The following DPYSL2 variants were observed in gnomAD, a reference collection of about 807,000 sequenced individuals.
DPYSL2 encodes dihydropyrimidinase-related protein 2.
Under a neutral mutation model 69.9 loss-of-function variants are expected in DPYSL2, and 13 were observed. That is an observed-to-expected ratio of 0.19 (90% CI 0.12 to 0.30). DPYSL2 has a LOEUF of 0.30. Ranked by LOEUF, DPYSL2 falls within the 10% of genes least tolerant of loss-of-function variation. DPYSL2 has a pLI of 1.00. For missense variants in DPYSL2, 587 were observed against 918.9 expected (o/e 0.64, Z 4.67); for synonymous variants, 326 against 359.1 (o/e 0.91, Z 1.04).
rs11786691 is a variant in DPYSL2 at position 26,583,961 on chromosome 8, G to A, written c.606G>A (p.Leu202=). The change falls in exon 3 of 14, where the codon CTG becomes CTA. Residue 202 remains leucine, a synonymous_variant. Transcript: ENST00000521913. ...TCTTCCAAGGAACCAAGGCGGCCCT[G>A]GCTGGGGGAACCACTATGATCAGTA... is the stretch of plus-strand genomic sequence containing the variant. ...DDFFQGTKAA[L]AGGTTMIIDH... 0.11 allele frequency: 181,912 copies of A among 1,613,852 alleles called. 10,940 individuals carry two copies. The highest frequency in any genetic ancestry group is 0.14 in the Middle Eastern group (878 of 6,058).
intron 1 of DPYSL2, among the ~76,000 whole-genome samples, chr8:26,545,744 G>C (rs1312006131): frequency 1.3e-5 from 2 of 151,442 alleles, no homozygotes; most frequent in Non-Finnish European, 2.9e-5. Flanking sequence ...TCCAGCCTGA[G>C]CAACAGAGTG....
chr8:26,515,506 TA>T (rs1242544317), intron 1 of DPYSL2, among the ~76,000 whole-genome samples: 1 of 152,196 alleles, frequency 6.6e-6, no homozygotes, highest in East Asian at 1.9e-4. Context: ...CGAAGAAGAC[TA>T]AACCCCCTTT....
chr8:26,531,825 G>A lies in DPYSL2; in HGVS notation c.354+17146G>A, dbSNP rs536534039. On this transcript the variant is annotated intron_variant, in intron 1 of 13. Coordinates refer to ENST00000521913, the MANE Select transcript of DPYSL2 (RefSeq NM_001197293.3). ...AAATGAAGTAGGATGAAACCTGAAA[G>A]GACACCACTGGTTGGGCTTAGGTGC... is the stretch of plus-strand genomic sequence containing the variant. Among the ~76,000 whole-genome samples, 10 of 152,156 alleles carry A rather than the reference G, an allele frequency of 6.6e-5. No individual in the cohort carries two copies. In the South Asian group the frequency reaches 2.1e-3, roughly 32 times the overall value.
In DPYSL2 at chr8:26,514,238, C is replaced by A; in HGVS notation, c.-88C>A. 8.3e-7 allele frequency: 1 copy of A among 1,199,610 alleles called. No homozygotes were observed. Among genetic ancestry groups the A allele is most frequent in the Non-Finnish European group, 1.1e-6 (1 of 911,716 alleles). The allele number at this position is 1,199,610 out of a possible 1,614,324, so 74.3% of individuals were successfully genotyped here. ...CGGCGAACGGCAGCCGCGGCAGCAG[C>A]TAGGGGGCTTGTGCACACAGCGAGG... On this transcript the variant is annotated 5_prime_UTR_variant, in exon 1 of 14. Coordinates refer to ENST00000521913, the MANE Select transcript of DPYSL2 (RefSeq NM_001197293.3). The surrounding 1 kb of genome is among the most constrained non-coding windows in gnomAD (Gnocchi z 8.4).
intron 1 of DPYSL2, among the ~76,000 whole-genome samples, chr8:26,540,669 G>C (rs1800664792): frequency 6.6e-6 from 1 of 152,140 alleles, no homozygotes; most frequent in Admixed American, 6.5e-5. Context: ...ACTTTGGGAG[G>C]CCAAGGCAGG....
intron 1 of DPYSL2, among the ~76,000 whole-genome samples, chr8:26,567,025 C>A (rs916974014): frequency 3.3e-5 from 5 of 151,914 alleles, no homozygotes; most frequent in African/African-American, 1.2e-4. Flanking sequence ...TTCATCCACC[C>A]ACCCATCCAT....
chr8:26,601,363 T>TTTTTTG (rs1226796766), intron 3 of DPYSL2, among the ~76,000 whole-genome samples: 4 of 151,766 alleles, frequency 2.6e-5, no homozygotes, highest in African/African-American at 4.8e-5. Context: ...GGCCCTCTCT[T>TTTTTTG]TTTTTGTTTT....
rs369882728 is a variant in DPYSL2, at chr8:26,655,723, C to T, written c.*17C>T. On this transcript the variant is annotated 3_prime_UTR_variant, in exon 14 of 14. Transcript: ENST00000521913. Reference sequence around the variant, plus strand: ...CTGGGCTAGAGCTCCTGGGCTGTGCCGTCCACTGGGGACTGGGGATGGGAC... The same window carrying T: ...CTGGGCTAGAGCTCCTGGGCTGTGCTGTCCACTGGGGACTGGGGATGGGAC... 54 of 1,584,002 alleles carry T rather than the reference C, an allele frequency of 3.4e-5. No homozygotes were observed. The highest frequency in any genetic ancestry group is 4.4e-5 in the Non-Finnish European group (51 of 1,165,308).
At position 26,615,935 on chromosome 8, in the gene DPYSL2, G is replaced by C. The variant is rs188979994; in HGVS notation, c.629-8208G>C. On this transcript the variant is annotated intron_variant, in intron 3 of 13. Coordinates refer to ENST00000521913, the MANE Select transcript of DPYSL2 (RefSeq NM_001197293.3). ...AATACTACACAGTGTTTTATGCATG[G>C]GCGTTTTTCTTACAAAGGAACATAG... 1.2e-3 allele frequency among the ~76,000 whole-genome samples: 178 copies of C among 152,260 alleles called. 1 individual carries two copies. The highest frequency in any genetic ancestry group is 4.1e-3 in the African/African-American group (170 of 41,542).
chr8:26,580,184 A>AG lies in DPYSL2; in HGVS notation c.355-1780dup. Among the ~76,000 whole-genome samples the AG allele has an allele frequency of 6.6e-6, 1 of 152,072 alleles. No individual in the cohort carries two copies. On this transcript the variant is annotated intron_variant, in intron 1 of 13. Transcript: ENST00000521913. This position sits in a 1 kb window ranked among gnomAD's most constrained non-coding sequence, Gnocchi z 4.1. ...CAGTGACTGTGGAGGCAGGAGGTGA[A>AG]GGGGGAGGCCTCTCCTTGCCTTCCA... is the stretch of plus-strand genomic sequence containing the variant.
At position 26,516,344 on chromosome 8, in the gene DPYSL2, G is replaced by A. The variant is rs1352658246; in HGVS notation, c.354+1665G>A. On this transcript the variant is annotated intron_variant, in intron 1 of 13. Transcript: ENST00000521913. This position sits in a 1 kb window ranked among gnomAD's most constrained non-coding sequence, Gnocchi z 4.8. ...CCCTGTGTGAGTACATTGAGTGAGG[G>A]CCAAAATCATATAGCATCTTGGTTG... Among the ~76,000 whole-genome samples, 1 of 152,194 alleles carries A rather than the reference G, an allele frequency of 6.6e-6. No individual in the cohort carries two copies. Among genetic ancestry groups the A allele is most frequent in the Non-Finnish European group, 1.5e-5 (1 of 68,030 alleles).
intron 3 of DPYSL2, among the ~76,000 whole-genome samples, chr8:26,600,391 G>C (rs1481818672): frequency 6.6e-6 from 1 of 152,054 alleles, no homozygotes; most frequent in African/African-American, 2.4e-5. Flanking sequence ...CAAAGTGGTT[G>C]TGCTATTTTA....
intron 3 of DPYSL2, among the ~76,000 whole-genome samples, chr8:26,612,787 T>A (rs189844100): frequency 4.8e-4 from 73 of 152,292 alleles, no homozygotes; most frequent in African/African-American, 1.6e-3. Context: ...TGCATAGAAA[T>A]GCCTAGAAGG....
At chr8:26,584,101 C>A in intron 3 of DPYSL2, 118 bp downstream of exon 3, 2 of 959,798 alleles carry the variant, frequency 2.1e-6, no homozygotes, top group Non-Finnish European at 3.1e-6. Context: ...TTCAATCTAC[C>A]AAATAAGGGG....
chr8:26,631,535 T>C (rs1802773138), intron 7 of DPYSL2, among the ~76,000 whole-genome samples: 1 of 152,168 alleles, frequency 6.6e-6, no homozygotes, highest in South Asian at 2.1e-4. Flanking sequence ...AGCCAAACCA[T>C]GTCATTGCTA....
chr8:26,549,437 G>A (rs1800837256), intron 1 of DPYSL2, among the ~76,000 whole-genome samples: 1 of 151,958 alleles, frequency 6.6e-6, no homozygotes, highest in African/African-American at 2.4e-5. Flanking sequence ...AATTACCAAA[G>A]ATTTAATATA....
In DPYSL2 at chr8:26,627,767, G is replaced by A; in HGVS notation, c.937-105G>A. The A allele has an allele frequency of 1.8e-6, 2 of 1,139,078 alleles. No individual in the cohort carries two copies. The highest frequency in any genetic ancestry group is 2.6e-6 in the Non-Finnish European group (2 of 780,924). The allele number at this position is 1,139,078 out of a possible 1,614,324, so 70.6% of individuals were successfully genotyped here. A position where few individuals can be genotyped will look rare whatever the true frequency, so the allele number is the denominator to read the frequency against. On this transcript the variant is annotated intron_variant, in intron 6 of 13. Transcript: ENST00000521913. This position sits in a 1 kb window ranked among gnomAD's most constrained non-coding sequence, Gnocchi z 6.9. ...GGATGAGGGCAGAACGATCGGCAGT[G>A]GTAATTTTCCATCTTGCCCGGATAA...
chr8:26,544,332 C>A (rs1800731040), intron 1 of DPYSL2, among the ~76,000 whole-genome samples: 1 of 152,160 alleles, frequency 6.6e-6, no homozygotes, highest in South Asian at 2.1e-4. Context: ...CCTGAACCAG[C>A]ATGAATATAG....
In DPYSL2 at chr8:26,571,335, G is replaced by A. The variant is rs149425867; in HGVS notation, c.355-10634G>A. 3.9e-5 allele frequency among the ~76,000 whole-genome samples: 6 copies of A among 152,258 alleles called. No homozygotes were observed. The highest frequency in any genetic ancestry group is 7.4e-5 in the Non-Finnish European group (5 of 68,012). On this transcript the variant is annotated intron_variant, in intron 1 of 13. Coordinates refer to ENST00000521913, the MANE Select transcript of DPYSL2 (RefSeq NM_001197293.3). This position sits in a 1 kb window ranked among gnomAD's most constrained non-coding sequence, Gnocchi z 6.1. ...GAGGGGAGTACTTGGGCACACCAACGGAAACAAGTGATCTCCAAGGCCCTG... is the reference window on the plus strand; with the variant it reads ...GAGGGGAGTACTTGGGCACACCAACAGAAACAAGTGATCTCCAAGGCCCTG...
Sources: gnomAD v4.1 joint callset for allele counts (sites outside exome capture counted in the v4.1 genomes callset) on GRCh38, gnomAD v4.1.1 for gene constraint, Gnocchi (gnomAD v3.1) non-coding constraint, MANE v1.5 for transcripts, NCBI Gene and HGNC (gene_info 2026-07-23, HGNC 2026-07-21) for gene names.